SOX6: variants seen among roughly 807,000 people sequenced by gnomAD.
SOX6 encodes SRY-box transcription factor 6, also known as transcription factor SOX-6.
In SOX6, 11 loss-of-function variants were observed where a neutral mutation model predicts 97.8. The observed-to-expected ratio is 0.11, with a 90% CI of 0.07 to 0.19. SOX6 has a LOEUF of 0.19. SOX6 is among the 10% of genes least tolerant of loss of function. The probability of loss-of-function intolerance (pLI) is 1.00; values close to 1 mark genes in which losing one functional copy is unlikely to be tolerated. For synonymous variants in SOX6, 360 were observed against 371.4 expected, an observed-to-expected ratio of 0.97 and a Z score of 0.35; for missense variants, 810 against 1,039.5, an observed-to-expected ratio of 0.78 and a Z score of 3.04.
intron 1 of SOX6, among the ~76,000 whole-genome samples, chr11:16,388,292 C>T (rs1858055504): frequency 6.6e-6 from 1 of 152,070 alleles, no homozygotes; most frequent in African/African-American, 2.4e-5. Flanking sequence ...GATATTTCAT[C>T]CTTTTCCTAC....
At chr11:16,002,453 T>C (rs1854433178) in intron 13 of SOX6, among the ~76,000 whole-genome samples, 1 of 152,170 alleles carries the variant, frequency 6.6e-6, no homozygotes, top group Admixed American at 6.6e-5. Context: ...CAGAGTCCTT[T>C]ATCTTATTTC....
intron 10 of SOX6, among the ~76,000 whole-genome samples, chr11:16,054,415 T>A (rs1847763737): frequency 6.6e-6 from 1 of 152,250 alleles, no homozygotes; most frequent in African/African-American, 2.4e-5. Flanking sequence ...CCTATTGTCA[T>A]ATCTCAATAT....
intron 2 of SOX6, among the ~76,000 whole-genome samples, chr11:16,734,287 T>C (rs1168511115): frequency 6.6e-6 from 1 of 152,180 alleles, no homozygotes; most frequent in African/African-American, 2.4e-5. Context: ...TTATACCTTG[T>C]TTTCAAGATT....
chr11:16,301,868 G>A (rs1356751610), intron 3 of SOX6, among the ~76,000 whole-genome samples: 1 of 152,062 alleles, frequency 6.6e-6, no homozygotes, highest in Non-Finnish European at 1.5e-5. Flanking sequence ...TCGTACTTCT[G>A]CCTGCTAGAT....
chr11:16,466,747 G>A (rs1860041264), intron 1 of SOX6, among the ~76,000 whole-genome samples: 1 of 150,356 alleles, frequency 6.7e-6, no homozygotes, highest in African/African-American at 2.4e-5. Flanking sequence ...CGGCTAAAAC[G>A]GTGAAACCCC....
At chr11:16,731,936 C>T (rs149615069) in intron 2 of SOX6, among the ~76,000 whole-genome samples, 3,527 of 152,178 alleles carry the variant, frequency 0.023, 142 homozygotes, top group African/African-American at 0.081. Context: ...ACAAGCATTC[C>T]TATACACCAA....
At chr11:16,555,320 T>C (rs547299126) in intron 4 of SOX6, among the ~76,000 whole-genome samples, 84 of 152,016 alleles carry the variant, frequency 5.5e-4, no homozygotes, top group African/African-American at 2.0e-3. Context: ...TAGCTGAACA[T>C]CTAACAACAT....
chr11:16,111,201 C>T (rs180924656), intron 7 of SOX6, among the ~76,000 whole-genome samples: 62 of 152,022 alleles, frequency 4.1e-4, no homozygotes, highest in African/African-American at 1.3e-3. Flanking sequence ...CAGTAAACTC[C>T]GAGGAAAAAA....
chr11:16,658,437 G>A (rs944112135), intron 3 of SOX6, among the ~76,000 whole-genome samples: 2 of 152,028 alleles, frequency 1.3e-5, no homozygotes, highest in Non-Finnish European at 2.9e-5. Flanking sequence ...GGCCAGGTGC[G>A]GTGGCTCACG....
intron 3 of SOX6, chr11:16,313,035 A>G (rs1386857089): frequency 6.6e-6 from 1 of 152,162 alleles, no homozygotes; most frequent in East Asian, 1.9e-4. Context: ...AAATTTACAA[A>G]AGACAGAAAC....
intron 15 of SOX6, among the ~76,000 whole-genome samples, chr11:15,977,879 C>G (rs1016925184): frequency 6.6e-6 from 1 of 152,066 alleles, no homozygotes; most frequent in Non-Finnish European, 1.5e-5. Context: ...AATGGCCTGG[C>G]TTTCTATTTC....
At chr11:16,590,228 A>C (rs1050527662) in intron 4 of SOX6, among the ~76,000 whole-genome samples, 17 of 152,190 alleles carry the variant, frequency 1.1e-4, no homozygotes, top group Non-Finnish European at 1.0e-4. Context: ...TTTCAGATGA[A>C]TGAATGTACA....
chr11:16,298,938 G>A (rs112487693), intron 3 of SOX6, among the ~76,000 whole-genome samples: 1 of 152,044 alleles, frequency 6.6e-6, no homozygotes, highest in African/African-American at 2.4e-5. Context: ...AGGATGAAGA[G>A]ATACAAGAAT....
At chr11:16,152,266 G>C (rs536298958) in intron 6 of SOX6, among the ~76,000 whole-genome samples, 1 of 152,226 alleles carries the variant, frequency 6.6e-6, no homozygotes, top group South Asian at 2.1e-4. Context: ...AGCATATGCT[G>C]TTGTTTCTCA....
chr11:16,093,531 A>G (rs1848734887), intron 9 of SOX6, among the ~76,000 whole-genome samples: 1 of 152,006 alleles, frequency 6.6e-6, no homozygotes, highest in African/African-American at 2.4e-5. Context: ...ATTAGAAATG[A>G]CAACCTTTGA....
chr11:16,436,057 T>C (rs919944590), intron 1 of SOX6, among the ~76,000 whole-genome samples: 3 of 152,150 alleles, frequency 2.0e-5, no homozygotes, highest in Admixed American at 2.0e-4. Context: ...CAAGCTCCGA[T>C]TGACAAATCC....
Position 16,610,871 on chromosome 11 carries a change from G to C in SOX6, n.609+1210C>G, listed in dbSNP as rs555825437. On this transcript the variant is annotated intron_variant and non_coding_transcript_variant, in intron 4 of 5. Transcript: ENST00000524520. This position sits in a 1 kb window ranked among gnomAD's most constrained non-coding sequence, Gnocchi z 4.4. ...CTGGTGCGCACCGGCCTGCGGGCTCGGAGAAGTTCCCGGAGGAGCAGAGGG... is the reference window on the plus strand; with the variant it reads ...CTGGTGCGCACCGGCCTGCGGGCTCCGAGAAGTTCCCGGAGGAGCAGAGGG... Among the ~76,000 whole-genome samples the C allele has an allele frequency of 1.3e-5, 2 of 152,314 alleles. No individual in the cohort carries two copies. Among genetic ancestry groups the C allele is most frequent in the South Asian group, 2.1e-4 (1 of 4,832 alleles).
intron 4 of SOX6, among the ~76,000 whole-genome samples, chr11:16,203,862 G>A (rs996035462): frequency 5.3e-5 from 8 of 151,728 alleles, no homozygotes; most frequent in South Asian, 4.2e-4. Flanking sequence ...AAATTCTACC[G>A]GCATTGCAAC....
intron 6 of SOX6, among the ~76,000 whole-genome samples, chr11:16,143,060 G>A (rs1352711767): frequency 9.2e-5 from 14 of 152,036 alleles, no homozygotes; most frequent in African/African-American, 2.4e-4. Flanking sequence ...CAGATTCACC[G>A]AAGTTAAAAT....
Sources: allele counts gnomAD v4.1 joint callset (sites outside exome capture counted in the v4.1 genomes callset), GRCh38; gene constraint gnomAD v4.1.1; non-coding constraint Gnocchi (gnomAD v3.1); transcripts MANE v1.5; gene names NCBI Gene and HGNC (gene_info 2026-07-23, HGNC 2026-07-21).